The following C15orf40 variants were observed in gnomAD, a reference collection of about 807,000 sequenced individuals.
C15orf40 encodes the protein UPF0235 protein C15orf40.
Under a neutral mutation model 13.9 loss-of-function variants are expected in C15orf40, and 9 were observed. The observed-to-expected ratio is 0.65, with a 90% CI of 0.39 to 1.13. The LOEUF is 1.13. C15orf40 is among the 50% of genes most tolerant of loss of function. The probability of loss-of-function intolerance (pLI) is 0.01; values close to 1 mark genes in which losing one functional copy is unlikely to be tolerated. For synonymous variants in C15orf40, 95 were observed against 69.2 expected (o/e 1.37, Z -1.85); for missense variants, 225 against 188.5 (o/e 1.19, Z -1.13).
chr15:83,011,471 C>T (rs913376695), intron 1 of C15orf40, 26 bp downstream of exon 1: 2 of 1,587,308 alleles, frequency 1.3e-6, no homozygotes, highest in Non-Finnish European at 1.7e-6. Context: ...GCCCACCCCT[C>T]TGCCGCCACG....
Position 83,004,256 on chromosome 15 carries a change from G to C in C15orf40, c.*1341C>G. ...CTTCCAAAGCGCTGGGATTACAGGCGTGAGCCACCAAGCCCAGCTACCATC... is the reference window on the plus strand; with the variant it reads ...CTTCCAAAGCGCTGGGATTACAGGCCTGAGCCACCAAGCCCAGCTACCATC... On this transcript the variant is annotated 3_prime_UTR_variant, in exon 4 of 4. Transcript: ENST00000304177. 1.6e-5 allele frequency: 15 copies of C among 927,152 alleles called. No homozygotes were observed. Among genetic ancestry groups the C allele is most frequent in the Non-Finnish European group, 1.8e-5 (14 of 776,964 alleles). The allele number at this position is 927,152 out of a possible 1,614,324, so 57.4% of individuals were successfully genotyped here. A position where few individuals can be genotyped will look rare whatever the true frequency, so the allele number is the denominator to read the frequency against.
chr15:83,004,499 TA>T lies in C15orf40; in HGVS notation c.*1097del. The T allele has an allele frequency of 1.3e-6, 1 of 786,340 alleles. No individual in the cohort carries two copies. Among genetic ancestry groups the T allele is most frequent in the South Asian group, 5.8e-5 (1 of 17,260 alleles). The allele number at this position is 786,340 out of a possible 1,614,324, so 48.7% of individuals were successfully genotyped here. On this transcript the variant is annotated 3_prime_UTR_variant, in exon 4 of 4. Coordinates refer to ENST00000304177, the MANE Select transcript of C15orf40 (RefSeq NM_144597.3). ...AGCTTTTGAAACTTTAATATAGATGTAATTTCTGACAAGCTTTTACAAATAC... is the reference window on the plus strand; with the variant it reads ...AGCTTTTGAAACTTTAATATAGATGTATTTCTGACAAGCTTTTACAAATAC...
At chr15:82,992,559 C>T (rs773863953), downstream of C15orf40, among the ~76,000 whole-genome samples, 2 of 151,056 alleles carry the variant, frequency 1.3e-5, no homozygotes, top group African/African-American at 2.5e-5. Flanking sequence ...TGAGAAAGCA[C>T]AGGCACTGAC....
intron 3 of C15orf40, among the ~76,000 whole-genome samples, chr15:83,006,185 C>G (rs575166042): frequency 5.3e-5 from 8 of 150,620 alleles, no homozygotes; most frequent in African/African-American, 2.0e-4. Flanking sequence ...GAGCTGAGAT[C>G]GCGCCACTGC....
intron 3 of C15orf40, 151 bp downstream of exon 3, chr15:83,008,397 T>C (rs769317192): frequency 2.8e-6 from 2 of 715,432 alleles, no homozygotes; most frequent in African/African-American, 1.8e-5. Flanking sequence ...CATGCGCCTA[T>C]AATCCCAGCT....
rs888119221 is a variant in C15orf40 at position 83,002,540 on chromosome 15, G to A, written c.*3057C>T. On this transcript the variant is annotated 3_prime_UTR_variant, in exon 4 of 4. Transcript: ENST00000304177. ...TCTTTCTTCTATAGTTACTGCTTTA[G>A]GGAACTTGTGTTATAGAATGGCATT... 2.6e-5 allele frequency: 4 copies of A among 152,180 alleles called. No individual in the cohort carries two copies. Among genetic ancestry groups the A allele is most frequent in the Admixed American group, 6.5e-5 (1 of 15,268 alleles). The allele number at this position is 152,180 out of a possible 1,614,324, so 9.4% of individuals were successfully genotyped here. A position where few individuals can be genotyped will look rare whatever the true frequency, so the allele number is the denominator to read the frequency against.
In C15orf40 at chr15:83,005,187, A is replaced by G. The variant is rs545573191; in HGVS notation, c.*410T>C. 4.1e-5 allele frequency: 43 copies of G among 1,037,892 alleles called. No homozygotes were observed. The South Asian group carries it at 1.2e-3, about 29-fold the overall frequency. 64.3% of individuals were successfully genotyped at this position (1,037,892 alleles called of 1,614,324 possible). On this transcript the variant is annotated 3_prime_UTR_variant, in exon 4 of 4. Coordinates refer to ENST00000304177, the MANE Select transcript of C15orf40 (RefSeq NM_144597.3). ...GTCTTATTCGAATATATACATATAT[A>G]TATGTCCCCCATGTTCTTCTGTGCA...
At position 83,011,632 on chromosome 15, in the gene C15orf40, A is replaced by T. The variant is rs2032035833; in HGVS notation, c.-25T>A. ...TCCCCGCCTGGGAAGGCGCCGGAAGAGCCCTCTGCGCTTGCGCAGGTAGCC... is the reference window on the plus strand; with the variant it reads ...TCCCCGCCTGGGAAGGCGCCGGAAGTGCCCTCTGCGCTTGCGCAGGTAGCC... On this transcript the variant is annotated 5_prime_UTR_variant, in exon 1 of 4. Coordinates refer to ENST00000304177, the MANE Select transcript of C15orf40 (RefSeq NM_144597.3). 6.5e-7 allele frequency: 1 copy of T among 1,539,738 alleles called. No individual in the cohort carries two copies. Among genetic ancestry groups the T allele is most frequent in the Non-Finnish European group, 8.7e-7 (1 of 1,146,928 alleles).
chr15:83,010,017 A>G (rs963071339), intron 2 of C15orf40, among the ~76,000 whole-genome samples: 2 of 152,246 alleles, frequency 1.3e-5, no homozygotes, highest in Admixed American at 6.5e-5. Context: ...TTTAAAGAGG[A>G]AAATATACAA....
At position 83,010,252 on chromosome 15, in the gene C15orf40, G is replaced by T; in HGVS notation, c.223C>A (p.Gln75Lys). The T allele has an allele frequency of 6.2e-7, 1 of 1,614,200 alleles. No homozygotes were observed. The highest frequency in any genetic ancestry group is 1.1e-5 in the South Asian group (1 of 91,086). ...CCAGGTATACCTGTTACAGCATTTT[G>T]TTTGGAGCCAGGTTTTGCATGGATG... ...IAIHAKPGSKQNAVTDLTAEA... is the reference protein window; with the variant it reads ...IAIHAKPGSKKNAVTDLTAEA... The change falls in exon 2 of 4, where the codon CAA becomes AAA. Residue 75 changes from glutamine (Q) to lysine (K), a missense_variant. By Grantham distance (53) the Gln-to-Lys change is moderately conservative. Transcript: ENST00000304177.
downstream of C15orf40, chr15:82,989,838 TA>T (rs1282301556): frequency 6.2e-7 from 1 of 1,600,392 alleles, no homozygotes; most frequent in Non-Finnish European, 8.5e-7. Context: ...ATGTTTTTTT[TA>T]ACAAGGGAAG....
chr15:83,004,751 TA>T lies in C15orf40; in HGVS notation c.*845del. The T allele has an allele frequency of 9.8e-7, 1 of 1,019,828 alleles. No homozygotes were observed. The highest frequency in any genetic ancestry group is 1.2e-6 in the Non-Finnish European group (1 of 841,604). 63.2% of individuals were successfully genotyped at this position (1,019,828 alleles called of 1,614,324 possible). On this transcript the variant is annotated 3_prime_UTR_variant, in exon 4 of 4. Transcript: ENST00000304177. ...GTAAAAAAAAAATTTTTTTTACATT[TA>T]AATAAGCATTTAAAAATCTAAGGTA...
intron 3 of C15orf40, 166 bp downstream of exon 3, chr15:83,008,382 G>A: frequency 3.3e-6 from 2 of 611,880 alleles, no homozygotes; most frequent in African/African-American, 1.9e-5. Flanking sequence ...AGCCAGGCAT[G>A]GTGGCATGCG....
chr15:83,001,767 C>T lies in C15orf40; in HGVS notation c.*3830G>A, dbSNP rs1308107635. On this transcript the variant is annotated 3_prime_UTR_variant, in exon 4 of 4. Coordinates refer to ENST00000304177, the MANE Select transcript of C15orf40 (RefSeq NM_144597.3). ...GTGATCTCTTAACAGTAGGAATAGT[C>T]CTGTGTGAGACAATTAAGTTGTGAG... 6.6e-6 allele frequency: 1 copy of T among 152,206 alleles called. No individual in the cohort carries two copies. Among genetic ancestry groups the T allele is most frequent in the African/African-American group, 2.4e-5 (1 of 41,448 alleles). The allele number at this position is 152,206 out of a possible 1,614,324, so 9.4% of individuals were successfully genotyped here.
chr15:83,010,427 C>T, intron 1 of C15orf40, 64 bp from the exon 2 acceptor site: 2 of 1,583,108 alleles, frequency 1.3e-6, no homozygotes, highest in Admixed American at 1.7e-5. Context: ...TAATTTGATT[C>T]TTCCACTACC....
In C15orf40 at chr15:83,002,792, G is replaced by T. The variant is rs2031471254; in HGVS notation, c.*2805C>A. On this transcript the variant is annotated 3_prime_UTR_variant, in exon 4 of 4. Coordinates refer to ENST00000304177, the MANE Select transcript of C15orf40 (RefSeq NM_144597.3). ...CTGCAGAAGATTCAGGGGAAGGAAA[G>T]AAAGCTGATTTTTTTTTTTCTTGAG... 6.6e-6 allele frequency: 1 copy of T among 152,200 alleles called. No individual in the cohort carries two copies. The highest frequency in any genetic ancestry group is 6.5e-5 in the Admixed American group (1 of 15,282). 9.4% of individuals were successfully genotyped at this position (152,200 alleles called of 1,614,324 possible). A position where few individuals can be genotyped will look rare whatever the true frequency, so the allele number is the denominator to read the frequency against.
intron 3 of C15orf40, chr15:83,006,500 C>T: frequency 1.0e-6 from 1 of 983,538 alleles, no homozygotes; most frequent in Non-Finnish European, 1.2e-6. Flanking sequence ...TGGCTCACAC[C>T]TGTAATCCTA....
rs1185231846 is a variant in C15orf40 at position 82,997,348 on chromosome 15, G to A, written c.*8249C>T. ...GGTTTTCCTAGGCAGAGGACCCTGC[G>A]GCCTTCCGCAGTGTTTGTGTCCCTG... is the stretch of plus-strand genomic sequence containing the variant. On this transcript the variant is annotated 3_prime_UTR_variant, in exon 4 of 4. Transcript: ENST00000304177. 3 of 146,128 alleles carry A rather than the reference G, an allele frequency of 2.1e-5. No individual in the cohort carries two copies. Among genetic ancestry groups the A allele is most frequent in the East Asian group, 3.9e-4 (2 of 5,070 alleles). 9.1% of individuals were successfully genotyped at this position (146,128 alleles called of 1,614,324 possible).
downstream of C15orf40, among the ~76,000 whole-genome samples, chr15:82,993,223 G>C (rs1438793859): frequency 6.6e-6 from 1 of 152,170 alleles, no homozygotes; most frequent in Non-Finnish European, 1.5e-5. Flanking sequence ...GGAAGAACTT[G>C]AGAATATAGA....
Sources: allele counts gnomAD v4.1 joint callset (sites outside exome capture counted in the v4.1 genomes callset), GRCh38; gene constraint gnomAD v4.1.1; transcripts MANE v1.5; gene names NCBI Gene and HGNC (gene_info 2026-07-23, HGNC 2026-07-21).